The following USP44 variants were observed in gnomAD, a reference collection of about 807,000 sequenced individuals.
USP44 encodes the protein ubiquitin specific peptidase 44.
In USP44, 61 loss-of-function variants were observed where a neutral mutation model predicts 69.0. That is an observed-to-expected ratio of 0.88 (90% CI 0.72 to 1.09). USP44 has a LOEUF of 1.09. Among genes scored for constraint, USP44 ranks in the 50% least tolerant of loss-of-function variants. USP44 has a pLI of 0.00. For missense variants in USP44, 753 were observed against 849.9 expected (o/e 0.89, Z 1.42); for synonymous variants, 297 against 295.4 (o/e 1.01, Z -0.06).
At chr12:95,531,779 G>A (rs1358271641) in intron 2 of USP44, among the ~76,000 whole-genome samples, 1 of 152,210 alleles carries the variant, frequency 6.6e-6, no homozygotes, top group East Asian at 1.9e-4. Flanking sequence ...AGGCAGGTGT[G>A]CAGGGGGAAG....
At chr12:95,538,339 G>C (rs1005472888) in intron 1 of USP44, among the ~76,000 whole-genome samples, 37 of 152,208 alleles carry the variant, frequency 2.4e-4, no homozygotes, top group Middle Eastern at 6.8e-3. Flanking sequence ...ATATGGCCCT[G>C]AGTACATCTT....
intron 1 of USP44, among the ~76,000 whole-genome samples, chr12:95,544,081 G>A (rs1171079550): frequency 8.6e-6 from 1 of 116,140 alleles, no homozygotes; most frequent in Non-Finnish European, 1.7e-5. Flanking sequence ...CTGAGATGGA[G>A]TCTCGCTCTG....
intron 4 of USP44, chr12:95,521,981 A>C: frequency 2.1e-6 from 2 of 941,280 alleles, no homozygotes; most frequent in Non-Finnish European, 2.5e-6. Flanking sequence ...TGTGTAAGTC[A>C]GCACAACCGC....
Position 95,524,767 on chromosome 12 carries a change from G to A in USP44, c.1646C>T (p.Ser549Phe). The part of the protein sequence containing the change: ...QCNSKRRRFS[S>F]KPVVLTEAQK... Reference sequence around the variant, plus strand: ...GGCTTCTGTGAGTACAACTGGTTTGGAGGAAAACCTTCTACGCTTTGCTGT... The same window carrying A: ...GGCTTCTGTGAGTACAACTGGTTTGAAGGAAAACCTTCTACGCTTTGCTGT... The change falls in exon 4 of 6, where the codon TCC becomes TTC. Residue 549 changes from serine (S) to phenylalanine (F), a missense_variant. Physicochemically the swap from Ser to Phe is radical, Grantham distance 155. Transcript: ENST00000258499. The A allele has an allele frequency of 6.2e-7, 1 of 1,609,730 alleles. No individual in the cohort carries two copies. Among genetic ancestry groups the A allele is most frequent in the Non-Finnish European group, 8.5e-7 (1 of 1,178,866 alleles).
rs762467895 is a variant in USP44, at chr12:95,529,030, A to T, written c.1429-28T>A. The T allele has an allele frequency of 1.5e-5, 23 of 1,549,478 alleles. No individual in the cohort carries two copies. In the Middle Eastern group the frequency reaches 9.9e-4, roughly 67 times the overall value. ...GCAAATGAGAATATGAGTTCCTAAGATTATAATCTTTCCATCAAAACATTA... is the reference window on the plus strand; with the variant it reads ...GCAAATGAGAATATGAGTTCCTAAGTTTATAATCTTTCCATCAAAACATTA... On this transcript the variant is annotated intron_variant, in intron 2 of 5. Transcript: ENST00000258499.
Position 95,518,013 on chromosome 12 carries a change from TA to T in USP44, c.*140del, listed in dbSNP as rs367951165. 0.012 allele frequency: 8,933 copies of T among 725,588 alleles called. 4 individuals are homozygous for T. Among genetic ancestry groups the T allele is most frequent in the South Asian group, 0.017 (654 of 37,628 alleles). 44.9% of individuals were successfully genotyped at this position (725,588 alleles called of 1,614,324 possible). A position where few individuals can be genotyped will look rare whatever the true frequency, so the allele number is the denominator to read the frequency against. On this transcript the variant is annotated 3_prime_UTR_variant, in exon 6 of 6. Transcript: ENST00000258499. ...AGTTGATATATACATTTATACTTTGTAAAAAAAAAAATTGTTAGATATAAAA... is the reference window on the plus strand; with the variant it reads ...AGTTGATATATACATTTATACTTTGTAAAAAAAAAATTGTTAGATATAAAA...
rs1194481810 is a variant in USP44, at chr12:95,517,421, C to T, written c.*733G>A. ...TTTACTAAATTCAGACTTTTTATGA[C>T]TGCTTAATTATTAGACTTCTGGACA... is the stretch of plus-strand genomic sequence containing the variant. On this transcript the variant is annotated 3_prime_UTR_variant, in exon 6 of 6. Coordinates refer to ENST00000258499, the MANE Select transcript of USP44 (RefSeq NM_032147.5). 1 of 152,094 alleles carries T rather than the reference C, an allele frequency of 6.6e-6. No individual in the cohort carries two copies. The highest frequency in any genetic ancestry group is 1.5e-5 in the Non-Finnish European group (1 of 68,016). The allele number at this position is 152,094 out of a possible 1,614,324, so 9.4% of individuals were successfully genotyped here. A position where few individuals can be genotyped will look rare whatever the true frequency, so the allele number is the denominator to read the frequency against.
Position 95,521,006 on chromosome 12 carries a change from A to C in USP44, c.1930T>G (p.Ser644Ala). ...SGHYTAYCYN[S>A]EGGFWVHCND... ...TTTTTCTTATCTATACCTCCTTCAGAATTATAGCAGTAGGCAGTGTAGTGC... is the reference window on the plus strand; with the variant it reads ...TTTTTCTTATCTATACCTCCTTCAGCATTATAGCAGTAGGCAGTGTAGTGC... The change falls in exon 5 of 6, where the codon TCT becomes GCT. Residue 644 changes from serine to alanine, a missense_variant. By Grantham distance (99) the Ser-to-Ala change is moderately conservative. Transcript: ENST00000258499. 1 of 1,614,184 alleles carries C rather than the reference A, an allele frequency of 6.2e-7. No homozygotes were observed. The highest frequency in any genetic ancestry group is 1.1e-5 in the South Asian group (1 of 91,088).
At chr12:95,547,803 G>C (rs2140398032) in intron 1 of USP44, among the ~76,000 whole-genome samples, 1 of 152,252 alleles carries the variant, frequency 6.6e-6, no homozygotes, top group East Asian at 1.9e-4. Context: ...GGCGGGAGTG[G>C]GGGACTTGAG....
Position 95,533,411 on chromosome 12 carries a change from G to C in USP44, c.846C>G (p.Cys282Trp), listed in dbSNP as rs375969252. ...ACACCTGAAGAACAGAATTCATATA[G>C]CAAGTATTTCCCAAATTTCTCAATC... ...VTGLRNLGNT[C>W]YMNSVLQVLS... Residue 282 changes from cysteine (C) to tryptophan (W), a missense_variant, in exon 2 of 6, where the codon TGC becomes TGG. Transcript: ENST00000258499. 1.2e-6 allele frequency: 2 copies of C among 1,613,610 alleles called. No homozygotes were observed. The highest frequency in any genetic ancestry group is 8.5e-7 in the Non-Finnish European group (1 of 1,179,774).
At chr12:95,523,861 C>T (rs2076747086) in intron 4 of USP44, among the ~76,000 whole-genome samples, 1 of 151,894 alleles carries the variant, frequency 6.6e-6, no homozygotes, top group South Asian at 2.1e-4. Context: ...GTGGCTCACA[C>T]CTGTCATCTC....
chr12:95,523,702 A>C (rs2140230584), intron 4 of USP44, among the ~76,000 whole-genome samples: 1 of 151,850 alleles, frequency 6.6e-6, no homozygotes, highest in East Asian at 1.9e-4. Flanking sequence ...AAAAAAAAAA[A>C]AAAAGAGATA....
Position 95,521,219 on chromosome 12 carries a change from G to C in USP44, c.1734-17C>G. 6.2e-7 allele frequency: 1 copy of C among 1,613,558 alleles called. No individual in the cohort carries two copies. Among genetic ancestry groups the C allele is most frequent in the Non-Finnish European group, 8.5e-7 (1 of 1,179,510 alleles). Reference sequence around the variant, plus strand: ...CCTGACCACCTGTGAACAAACCAGTGTAAAATTATCCACACAATTAAGGGA... The same window carrying C: ...CCTGACCACCTGTGAACAAACCAGTCTAAAATTATCCACACAATTAAGGGA... On this transcript the variant is annotated splice_polypyrimidine_tract_variant and intron_variant, in intron 4 of 5. Transcript: ENST00000258499.
At chr12:95,537,358 GC>G (rs1283323067) in intron 1 of USP44, among the ~76,000 whole-genome samples, 14 of 151,900 alleles carry the variant, frequency 9.2e-5, no homozygotes, top group Non-Finnish European at 1.8e-4. Flanking sequence ...TCACTCTGTC[GC>G]CCAGGCTGGA....
chr12:95,519,681 C>T (rs1404420999), intron 5 of USP44, among the ~76,000 whole-genome samples: 2 of 150,738 alleles, frequency 1.3e-5, no homozygotes, highest in Admixed American at 1.3e-4. Flanking sequence ...ATCCACCCGC[C>T]TCGGCCTCCC....
At chr12:95,520,931 T>C (rs2076639568) in intron 5 of USP44, 66 bp downstream of exon 5, 1 of 1,451,898 alleles carries the variant, frequency 6.9e-7, no homozygotes, top group South Asian at 1.2e-5. Context: ...AATTTAGAAA[T>C]CGGTTAAAGC....
rs1006939520 is a variant in USP44 at position 95,517,507 on chromosome 12, G to A, written c.*647C>T. The A allele has an allele frequency of 6.6e-6, 1 of 152,024 alleles. No individual in the cohort carries two copies. The highest frequency in any genetic ancestry group is 1.5e-5 in the Non-Finnish European group (1 of 68,016). 9.4% of individuals were successfully genotyped at this position (152,024 alleles called of 1,614,324 possible). ...AGCCATCATTTTTTTCATGTCCATAGTTCCAGAGTTCACTTAAATATACTA... is the reference window on the plus strand; with the variant it reads ...AGCCATCATTTTTTTCATGTCCATAATTCCAGAGTTCACTTAAATATACTA... On this transcript the variant is annotated 3_prime_UTR_variant, in exon 6 of 6. Transcript: ENST00000258499.
chr12:95,536,516 T>G (rs2077209529), intron 1 of USP44, among the ~76,000 whole-genome samples: 1 of 152,156 alleles, frequency 6.6e-6, no homozygotes, highest in African/African-American at 2.4e-5. Context: ...ATCCCATATC[T>G]TTCTGTACTG....
intron 3 of USP44, among the ~76,000 whole-genome samples, chr12:95,528,101 C>T (rs1001268912): frequency 1.3e-5 from 2 of 151,966 alleles, no homozygotes; most frequent in Admixed American, 6.6e-5. Flanking sequence ...GGCCTCCCAA[C>T]GTGGTAGGAT....
Sources: gnomAD v4.1 joint callset for allele counts (sites outside exome capture counted in the v4.1 genomes callset) on GRCh38, gnomAD v4.1.1 for gene constraint, MANE v1.5 for transcripts, NCBI Gene and HGNC (gene_info 2026-07-23, HGNC 2026-07-21) for gene names.